Variants in FUT8 observed in about 807,000 individuals in gnomAD.
FUT8 encodes the protein fucosyltransferase 8.
In FUT8, 29 loss-of-function variants were observed where a neutral mutation model predicts 71.3. The observed-to-expected ratio is 0.41, with a 90% CI of 0.30 to 0.55. FUT8 has a LOEUF of 0.55. Ranked by LOEUF, FUT8 falls within the 20% of genes least tolerant of loss-of-function variation. The pLI is 0.34. For synonymous variants in FUT8, 254 were observed against 239.3 expected (o/e 1.06, Z -0.57); for missense variants, 544 against 702.1 (o/e 0.77, Z 2.55).
chr14:65,610,918 A>AT (rs906623212), intron 3 of FUT8, among the ~76,000 whole-genome samples: 2 of 151,556 alleles, frequency 1.3e-5, no homozygotes, highest in Admixed American at 6.6e-5. Context: ...GGTTTGCTAA[A>AT]TTTTTTTATA....
intron 2 of FUT8, among the ~76,000 whole-genome samples, chr14:65,486,700 C>T (rs1003874767): frequency 6.6e-6 from 1 of 152,164 alleles, no homozygotes; most frequent in Admixed American, 6.5e-5. Context: ...CCTCTATTTA[C>T]CACTTGCTAA....
chr14:65,439,954 G>GTGTACA lies in FUT8; in HGVS notation c.-325-15666_-325-15665insGTACAT. Among the ~76,000 whole-genome samples the GTGTACA allele has an allele frequency of 1.6e-3, 118 of 74,968 alleles. 6 individuals are homozygous for GTGTACA. Among genetic ancestry groups the GTGTACA allele is most frequent in the Admixed American group, 2.3e-3 (14 of 6,124 alleles). The allele number at this position is 74,968 out of a possible 152,430, so 49.2% of individuals were successfully genotyped here. On this transcript the variant is annotated intron_variant, in intron 1 of 10. Transcript: ENST00000673929. ...ATAAAGAAAATGTGTGTGTGTGTGT[G>GTGTACA]TATATATATATATATATATATATAT...
chr14:65,716,466 A>C (rs1895068340), intron 7 of FUT8, among the ~76,000 whole-genome samples: 1 of 143,902 alleles, frequency 6.9e-6, no homozygotes, highest in African/African-American at 2.6e-5. Context: ...GCATCTGTTT[A>C]ACAAAGCACA....
intron 2 of FUT8, among the ~76,000 whole-genome samples, chr14:65,552,318 G>A (rs1425302029): frequency 6.6e-6 from 1 of 152,046 alleles, no homozygotes; most frequent in African/African-American, 2.4e-5. Flanking sequence ...GCAGGGATTT[G>A]TGTCTGTCTT....
chr14:65,462,997 CTAAG>C (rs1479903892), intron 2 of FUT8, among the ~76,000 whole-genome samples: 2 of 152,144 alleles, frequency 1.3e-5, no homozygotes, highest in East Asian at 3.8e-4. Context: ...ACAAATTGTA[CTAAG>C]TGTTTTCATA....
intron 5 of FUT8, among the ~76,000 whole-genome samples, chr14:65,625,089 A>ATAAC (rs1023612526): frequency 1.3e-5 from 2 of 151,722 alleles, no homozygotes; most frequent in Non-Finnish European, 2.9e-5. Flanking sequence ...AAATAAATAA[A>ATAAC]TAAATAAATG....
chr14:65,598,935 C>T (rs1283084722), intron 3 of FUT8, among the ~76,000 whole-genome samples: 1 of 152,042 alleles, frequency 6.6e-6, no homozygotes, highest in Non-Finnish European at 1.5e-5. Context: ...GGACTACAGG[C>T]ATGCACCACC....
In FUT8 at chr14:65,481,590, C is replaced by T. The variant is rs538768338; in HGVS notation, c.-228+25872C>T. ...TACCTCCACAGATTTCTTCTTGCCC[C>T]CTTGTAATCTTTTCCCCCACTACTA... On this transcript the variant is annotated intron_variant, in intron 2 of 10. Transcript: ENST00000673929. Among the ~76,000 whole-genome samples, 15 of 152,152 alleles carry T rather than the reference C, an allele frequency of 9.9e-5. No individual in the cohort carries two copies. The South Asian group carries it at 2.9e-3, about 30-fold the overall frequency.
At position 65,652,446 on chromosome 14, in the gene FUT8, G is replaced by T. The variant is rs1891456362; in HGVS notation, c.598-16797G>T. ...AGTGTACTTCTTCTTCTGGCCTTTG[G>T]ATATGATGTGAGAAGCTTGAGAGGA... On this transcript the variant is annotated intron_variant, in intron 6 of 10. Coordinates refer to ENST00000673929, the MANE Select transcript of FUT8 (RefSeq NM_001371533.1). This position sits in a 1 kb window ranked among gnomAD's most constrained non-coding sequence, Gnocchi z 4.0. 6.6e-6 allele frequency among the ~76,000 whole-genome samples: 1 copy of T among 152,170 alleles called. No individual in the cohort carries two copies. The highest frequency in any genetic ancestry group is 2.4e-5 in the African/African-American group (1 of 41,422).
chr14:65,475,787 G>A (rs2066229357), intron 2 of FUT8, among the ~76,000 whole-genome samples: 1 of 151,824 alleles, frequency 6.6e-6, no homozygotes. Context: ...TGTCTTGGGG[G>A]GCAAAAAGTG....
chr14:65,656,562 G>T (rs1891690677), intron 6 of FUT8, among the ~76,000 whole-genome samples: 1 of 152,150 alleles, frequency 6.6e-6, no homozygotes, highest in Non-Finnish European at 1.5e-5. Context: ...ACTATCCAGA[G>T]TAATCTATAG....
chr14:65,485,391 A>C (rs2066393926), intron 2 of FUT8, among the ~76,000 whole-genome samples: 1 of 152,078 alleles, frequency 6.6e-6, no homozygotes, highest in Non-Finnish European at 1.5e-5. Context: ...ATTTAGAGAT[A>C]ATTTGAGGCT....
chr14:65,405,974 C>T (rs186071364), upstream of FUT8, among the ~76,000 whole-genome samples: 11 of 152,316 alleles, frequency 7.2e-5, no homozygotes, highest in Admixed American at 2.6e-4. Context: ...ACACAGCTCT[C>T]GCTGCCATCA....
chr14:65,467,068 C>T lies in FUT8; in HGVS notation c.-228+11350C>T, dbSNP rs1017862446. Among the ~76,000 whole-genome samples the T allele has an allele frequency of 6.6e-6, 1 of 152,048 alleles. No individual in the cohort carries two copies. The highest frequency in any genetic ancestry group is 6.6e-5 in the Admixed American group (1 of 15,262). On this transcript the variant is annotated intron_variant, in intron 2 of 10. Transcript: ENST00000673929. This position sits in a 1 kb window ranked among gnomAD's most constrained non-coding sequence, Gnocchi z 4.1. ...GTTTTACCTTTATTTTTTTCCTCTA[C>T]ACTCTTCCTTTCTTTTTGTAATCCA...
In FUT8 at chr14:65,742,429, A is replaced by T; in HGVS notation, c.*19A>T. On this transcript the variant is annotated 3_prime_UTR_variant, in exon 11 of 11. Coordinates refer to ENST00000673929, the MANE Select transcript of FUT8 (RefSeq NM_001371533.1). ...GAAATAAAGCTCAGATGGAAGAGAT[A>T]AACGACCAAACTCAGTTCGACCAAA... is the stretch of plus-strand genomic sequence containing the variant. 6.2e-7 allele frequency: 1 copy of T among 1,600,398 alleles called. No individual in the cohort carries two copies. The highest frequency in any genetic ancestry group is 2.2e-5 in the East Asian group (1 of 44,628).
chr14:65,531,910 T>C (rs1443441896), intron 2 of FUT8, among the ~76,000 whole-genome samples: 1 of 152,206 alleles, frequency 6.6e-6, no homozygotes, highest in Non-Finnish European at 1.5e-5. Flanking sequence ...CTAAGGATAA[T>C]GGCCTCTACT....
chr14:65,591,481 T>C (rs1302413702), intron 3 of FUT8, among the ~76,000 whole-genome samples: 1 of 152,202 alleles, frequency 6.6e-6, no homozygotes, highest in Admixed American at 6.5e-5. Flanking sequence ...AGTCTTTCTT[T>C]GAAAGGATTA....
intron 7 of FUT8, among the ~76,000 whole-genome samples, chr14:65,696,356 G>T (rs1240720277): frequency 6.6e-6 from 1 of 152,112 alleles, no homozygotes; most frequent in Admixed American, 6.6e-5. Context: ...TTCTTTCAAA[G>T]GAATTCAAAC....
chr14:65,673,754 A>C (rs1164134485), intron 7 of FUT8, among the ~76,000 whole-genome samples: 1 of 152,228 alleles, frequency 6.6e-6, no homozygotes, highest in African/African-American at 2.4e-5. Flanking sequence ...CTTGTTCTTC[A>C]CTAAAACTGA....
Sources: allele counts gnomAD v4.1 joint callset (sites outside exome capture counted in the v4.1 genomes callset), GRCh38; gene constraint gnomAD v4.1.1; non-coding constraint Gnocchi (gnomAD v3.1); transcripts MANE v1.5; gene names NCBI Gene and HGNC (gene_info 2026-07-23, HGNC 2026-07-21).